Variants in ZNF516 observed in about 807,000 individuals in gnomAD.
The protein encoded by ZNF516 is zinc finger protein 516.
In ZNF516, 19 loss-of-function variants were observed where a neutral mutation model predicts 79.7. That is an observed-to-expected ratio of 0.24 (90% confidence interval 0.17 to 0.35). The LOEUF is 0.35. Among genes scored for constraint, ZNF516 ranks in the 10% least tolerant of loss-of-function variants. The pLI, the probability that ZNF516 is intolerant of heterozygous loss-of-function variation, is 1.00. For synonymous variants in ZNF516, 877 were observed against 739.5 expected, an observed-to-expected ratio of 1.19 and a Z score of -3.02; for missense variants, 1,678 against 1,679.5, an observed-to-expected ratio of 1.00 and a Z score of 0.02.
At position 76,428,854 on chromosome 18, in the gene ZNF516, A is replaced by G. The variant is rs1213146203; in HGVS notation, c.1810+12391T>C. Among the ~76,000 whole-genome samples, 3 of 152,308 alleles carry G rather than the reference A, an allele frequency of 2.0e-5. No homozygotes were observed. The South Asian group carries it at 6.2e-4, about 32-fold the overall frequency. On this transcript the variant is annotated intron_variant, in intron 3 of 6. Coordinates refer to ENST00000443185, the MANE Select transcript of ZNF516 (RefSeq NM_014643.4). ...TGCAATGTGCAGGTGTTCACAAAAG[A>G]TGTGTGGATGTTCTAAAGGATGAGC... is the stretch of plus-strand genomic sequence containing the variant.
chr18:76,428,855 T>C (rs925857807), intron 3 of ZNF516, among the ~76,000 whole-genome samples: 1 of 152,172 alleles, frequency 6.6e-6, no homozygotes, highest in Admixed American at 6.5e-5. Flanking sequence ...TCACAAAAGA[T>C]GTGTGGATGT....
At chr18:76,473,728 G>C (rs1419411087) in intron 1 of ZNF516, among the ~76,000 whole-genome samples, 1 of 151,770 alleles carries the variant, frequency 6.6e-6, no homozygotes, top group Non-Finnish European at 1.5e-5. Flanking sequence ...GTGAACCCAG[G>C]AGGCGGAGCT....
Position 76,442,042 on chromosome 18 carries a change from G to A in ZNF516, c.1013C>T (p.Ala338Val), listed in dbSNP as rs1911700552. Residue 338 changes from alanine (A) to valine (V), a missense_variant, in exon 3 of 7, where the codon GCC becomes GTC. Transcript: ENST00000443185. ...GTTTGTAAACAGGTTCCCGCACTTGGCGCAGACCTCGTAGAGGCTCAGGCC... is the reference window on the plus strand; with the variant it reads ...GTTTGTAAACAGGTTCCCGCACTTGACGCAGACCTCGTAGAGGCTCAGGCC... ...VAGLSLYEVC[A>V]KCGNLFTNLD... 11 of 1,613,988 alleles carry A rather than the reference G, an allele frequency of 6.8e-6. No individual in the cohort carries two copies. The highest frequency in any genetic ancestry group is 9.3e-6 in the Non-Finnish European group (11 of 1,179,892).
intron 1 of ZNF516, among the ~76,000 whole-genome samples, chr18:76,463,519 G>A (rs1913254181): frequency 6.6e-6 from 1 of 152,252 alleles, no homozygotes; most frequent in African/African-American, 2.4e-5. Context: ...TGAGCTCCTG[G>A]CATGGACTGC....
chr18:76,465,761 G>A (rs73479064), intron 1 of ZNF516, among the ~76,000 whole-genome samples: 2,872 of 152,274 alleles, frequency 0.019, 109 homozygotes, highest in African/African-American at 0.064. Context: ...GCACCAGGAC[G>A]TCACCAGGAC....
chr18:76,430,059 C>A (rs1383330406), intron 3 of ZNF516, among the ~76,000 whole-genome samples: 1 of 152,144 alleles, frequency 6.6e-6, no homozygotes, highest in East Asian at 1.9e-4. Flanking sequence ...TTTTTTCATA[C>A]CTGAACTTCA....
intron 1 of ZNF516, among the ~76,000 whole-genome samples, chr18:76,480,465 ACATATATATAC>A (rs972266059): frequency 2.7e-5 from 4 of 150,620 alleles, no homozygotes; most frequent in African/African-American, 9.8e-5. Context: ...GCTGGTTTTT[ACATATATATAC>A]ACACACACAT....
chr18:76,403,064 G>A (rs142992534), intron 3 of ZNF516, among the ~76,000 whole-genome samples: 1 of 152,328 alleles, frequency 6.6e-6, no homozygotes, highest in Non-Finnish European at 1.5e-5. Context: ...ACCACCAAAG[G>A]CGCCTGGCAC....
At chr18:76,412,872 C>T (rs145914270) in intron 3 of ZNF516, among the ~76,000 whole-genome samples, 14 of 152,282 alleles carry the variant, frequency 9.2e-5, no homozygotes, top group African/African-American at 2.6e-4. Context: ...CCCGGGACAC[C>T]GGGCTGAGTG....
intron 1 of ZNF516, among the ~76,000 whole-genome samples, chr18:76,478,929 G>A (rs575302995): frequency 2.6e-5 from 4 of 152,014 alleles, no homozygotes; most frequent in South Asian, 2.1e-4. Context: ...GGTTGTGTGC[G>A]CCTGTAATCC....
rs1052410623 is a variant in ZNF516 at position 76,467,761 on chromosome 18, T to C, written c.-271-4620A>G. Among the ~76,000 whole-genome samples the C allele has an allele frequency of 7.2e-5, 11 of 152,364 alleles. No individual in the cohort carries two copies. The Middle Eastern group carries it at 0.01, about 141-fold the overall frequency. On this transcript the variant is annotated intron_variant, in intron 1 of 6. Coordinates refer to ENST00000443185, the MANE Select transcript of ZNF516 (RefSeq NM_014643.4). The surrounding 1 kb of genome is among the most constrained non-coding windows in gnomAD (Gnocchi z 4.2). The stretch of plus-strand genomic sequence containing the variant: ...GCAATTTCCTGCATTTGCAGGCATG[T>C]TCAAACTGTAAGCCCGTTCGATTCC...
chr18:76,413,616 A>G (rs1384970096), intron 3 of ZNF516, among the ~76,000 whole-genome samples: 2 of 152,206 alleles, frequency 1.3e-5, no homozygotes, highest in African/African-American at 4.8e-5. Flanking sequence ...CGAATACCTC[A>G]GCACACCTTA....
Position 76,380,059 on chromosome 18 carries a change from G to T in ZNF516, c.2055C>A (p.Pro685=), listed in dbSNP as rs190177130. 17 of 1,613,912 alleles carry T rather than the reference G, an allele frequency of 1.1e-5. No individual in the cohort carries two copies. In the East Asian group the frequency reaches 3.3e-4, roughly 32 times the overall value. ...GGAACTCCACACCATCACCAGGGAC[G>T]GGCACCTCCTGCTTGGGGTGAAATG... ...MPAFHPKQEV[P]VPGDGVEFPS... The change falls in exon 4 of 7, where the codon CCC becomes CCA. Residue 685 remains proline, a synonymous_variant. Coordinates refer to ENST00000443185, the MANE Select transcript of ZNF516 (RefSeq NM_014643.4).
chr18:76,454,198 A>G (rs556580085), intron 2 of ZNF516, among the ~76,000 whole-genome samples: 12 of 152,350 alleles, frequency 7.9e-5, no homozygotes, highest in African/African-American at 2.2e-4. Context: ...GCGCCCAAAA[A>G]AATCCCTTCA....
chr18:76,419,356 G>A (rs1171439690), intron 3 of ZNF516, among the ~76,000 whole-genome samples: 1 of 152,202 alleles, frequency 6.6e-6, no homozygotes, highest in Non-Finnish European at 1.5e-5. Flanking sequence ...AAGGATATTC[G>A]TAGGAAGGTG....
chr18:76,449,795 G>T (rs933183869), intron 2 of ZNF516, among the ~76,000 whole-genome samples: 3 of 152,202 alleles, frequency 2.0e-5, no homozygotes, highest in African/African-American at 7.2e-5. Context: ...TTTAATAAAT[G>T]CAAAAGGACA....
intron 3 of ZNF516, among the ~76,000 whole-genome samples, chr18:76,424,467 G>A (rs1338864944): frequency 6.8e-6 from 1 of 146,496 alleles, no homozygotes; most frequent in Non-Finnish European, 1.5e-5. Context: ...ACACACGCAG[G>A]TGAAAAGGTT....
At chr18:76,460,325 G>A (rs11878141) in intron 2 of ZNF516, among the ~76,000 whole-genome samples, 1 of 152,156 alleles carries the variant, frequency 6.6e-6, no homozygotes, top group South Asian at 2.1e-4. Context: ...CGACAAGGCT[G>A]TGAGCCCATT....
intron 3 of ZNF516, among the ~76,000 whole-genome samples, chr18:76,397,990 A>T (rs1414072954): frequency 2.0e-5 from 3 of 152,236 alleles, no homozygotes; most frequent in Non-Finnish European, 4.4e-5. Flanking sequence ...TTTTTAAATC[A>T]GTGAGTACAG....
Sources: allele counts gnomAD v4.1 joint callset (sites outside exome capture counted in the v4.1 genomes callset), GRCh38; gene constraint gnomAD v4.1.1; non-coding constraint Gnocchi (gnomAD v3.1); transcripts MANE v1.5; gene names NCBI Gene and HGNC (gene_info 2026-07-23, HGNC 2026-07-21).